The following CEPT1 variants were observed in gnomAD, a reference collection of about 807,000 sequenced individuals.
The protein encoded by CEPT1 is choline/ethanolaminephosphotransferase 1.
Under a neutral mutation model 42.6 loss-of-function variants are expected in CEPT1, and 7 were observed. The ratio of observed to expected loss-of-function variants is 0.16; its 90% CI spans 0.09 to 0.31. CEPT1 has a LOEUF of 0.31. Among genes scored for constraint, CEPT1 ranks in the 10% least tolerant of loss-of-function variants. The pLI, the probability that CEPT1 is intolerant of heterozygous loss-of-function variation, is 1.00. For missense variants in CEPT1, 306 were observed against 502.1 expected (o/e 0.61, Z 3.73); for synonymous variants, 171 against 171.9 (o/e 0.99, Z 0.04).
At chr1:111,164,573 T>A (rs1656034749) in intron 4 of CEPT1, among the ~76,000 whole-genome samples, 1 of 152,072 alleles carries the variant, frequency 6.6e-6, no homozygotes, top group South Asian at 2.1e-4. Flanking sequence ...TCACATTTTC[T>A]CCCTTAAGAC....
chr1:111,139,841 C>T (rs561982441), upstream of CEPT1: 4 of 152,638 alleles, frequency 2.6e-5, no homozygotes, highest in South Asian at 6.2e-4. Flanking sequence ...AACCAGCCCC[C>T]CTCTGGCGCC....
At chr1:111,177,462 G>C (rs918552571) in intron 5 of CEPT1, among the ~76,000 whole-genome samples, 6 of 152,070 alleles carry the variant, frequency 3.9e-5, no homozygotes, top group Non-Finnish European at 7.4e-5. Flanking sequence ...TTCTGATTAG[G>C]GATGCTCAAC....
In CEPT1 at chr1:111,148,002, C is replaced by T. The variant is rs1387345972; in HGVS notation, c.288C>T (p.Asn96=). ...NLITIIGLSI[N]ICTTILLVFY... ...TCACCATCATTGGACTGTCAATAAA[C>T]ATCTGTACAACTATTTTATTAGTCT... The change falls in exon 2 of 9, where the codon AAC becomes AAT. Residue 96 remains asparagine (N), a synonymous_variant. Coordinates refer to ENST00000357172, the MANE Select transcript of CEPT1 (RefSeq NM_006090.5). The T allele has an allele frequency of 2.5e-6, 4 of 1,614,158 alleles. No individual in the cohort carries two copies. The South Asian group carries it at 4.4e-5, about 18-fold the overall frequency.
chr1:111,183,951 A>G (rs1429292426), intron 8 of CEPT1, among the ~76,000 whole-genome samples: 1 of 152,208 alleles, frequency 6.6e-6, no homozygotes, highest in Non-Finnish European at 1.5e-5. Context: ...GGCTGGTTTC[A>G]TGGTACAATG....
intron 2 of CEPT1, among the ~76,000 whole-genome samples, chr1:111,155,423 A>C (rs1655507279): frequency 6.6e-6 from 1 of 151,844 alleles, no homozygotes; most frequent in Non-Finnish European, 1.5e-5. Flanking sequence ...CTTTTCAAAA[A>C]ACCAACTTTT....
At chr1:111,170,743 T>C (rs548170224) in intron 4 of CEPT1, among the ~76,000 whole-genome samples, 1 of 152,272 alleles carries the variant, frequency 6.6e-6, no homozygotes, top group African/African-American at 2.4e-5. Context: ...TTAATAGCTA[T>C]CTAATCCTTG....
chr1:111,163,036 T>A (rs1395644904), intron 4 of CEPT1, among the ~76,000 whole-genome samples: 2 of 151,894 alleles, frequency 1.3e-5, no homozygotes, highest in Non-Finnish European at 2.9e-5. Flanking sequence ...AGGGAATGAT[T>A]TATAGAACAA....
In CEPT1 at chr1:111,159,247, C is replaced by A. The variant is rs111591065; in HGVS notation, c.340-133C>A. ...ACAATTCTAATTGTTTCAGTGAGTT[C>A]TTCATTATGTAGCACTTGGATCTTC... is the stretch of plus-strand genomic sequence containing the variant. On this transcript the variant is annotated intron_variant, in intron 2 of 8. Coordinates refer to ENST00000357172, the MANE Select transcript of CEPT1 (RefSeq NM_006090.5). The A allele has an allele frequency of 2.7e-3, 2,178 of 806,010 alleles. 20 individuals carry two copies. The highest frequency in any genetic ancestry group is 0.02 in the African/African-American group (1,151 of 56,246). The allele number at this position is 806,010 out of a possible 1,614,324, so 49.9% of individuals were successfully genotyped here.
chr1:111,174,849 C>T, intron 4 of CEPT1, 30 bp from the exon 5 acceptor site: 1 of 1,351,972 alleles, frequency 7.4e-7, no homozygotes, highest in Non-Finnish European at 1.1e-6. Flanking sequence ...GTGACTAATT[C>T]TGCTCTTTTG....
intron 4 of CEPT1, among the ~76,000 whole-genome samples, chr1:111,166,397 T>C (rs1482653856): frequency 2.6e-5 from 4 of 152,244 alleles, no homozygotes; most frequent in African/African-American, 7.2e-5. Flanking sequence ...TACTTACTTT[T>C]ATCACTAGTA....
At position 111,182,329 on chromosome 1, in the gene CEPT1, C is replaced by T. The variant is rs1657031803; in HGVS notation, c.846+11C>T. The T allele has an allele frequency of 6.2e-7, 1 of 1,607,296 alleles. No homozygotes were observed. The highest frequency in any genetic ancestry group is 1.7e-5 in the Admixed American group (1 of 58,604). Reference sequence around the variant, plus strand: ...GGATCAACAATAGCAGTAAGTATACCTTAAGATTTTCAACACTTGTTTACA... The same window carrying T: ...GGATCAACAATAGCAGTAAGTATACTTTAAGATTTTCAACACTTGTTTACA... On this transcript the variant is annotated intron_variant, in intron 6 of 8. Coordinates refer to ENST00000357172, the MANE Select transcript of CEPT1 (RefSeq NM_006090.5).
chr1:111,162,009 A>G (rs1239055187), intron 4 of CEPT1, among the ~76,000 whole-genome samples: 1 of 152,184 alleles, frequency 6.6e-6, no homozygotes, highest in Non-Finnish European at 1.5e-5. Context: ...GTGATGAAGT[A>G]TGTATTTAGA....
intron 5 of CEPT1, 141 bp from the exon 6 acceptor site, chr1:111,182,046 G>C (rs1275524475): frequency 2.2e-5 from 12 of 551,218 alleles, no homozygotes; most frequent in Admixed American, 7.8e-5. Flanking sequence ...TAATGAAGAG[G>C]AAAAGGACAC....
intron 2 of CEPT1, among the ~76,000 whole-genome samples, chr1:111,158,903 T>C (rs1223495953): frequency 1.6e-5 from 1 of 61,024 alleles, no homozygotes; most frequent in East Asian, 4.0e-4. Context: ...TTTACAATTC[T>C]TTTTTTTTTT....
intron 4 of CEPT1, among the ~76,000 whole-genome samples, chr1:111,170,944 C>G (rs973795055): frequency 1.3e-5 from 2 of 152,100 alleles, no homozygotes; most frequent in Non-Finnish European, 1.5e-5. Context: ...ATTAAATTTA[C>G]TATTTATAGT....
At chr1:111,159,012 C>T (rs894027126) in intron 2 of CEPT1, among the ~76,000 whole-genome samples, 32 of 134,748 alleles carry the variant, frequency 2.4e-4, no homozygotes, top group Non-Finnish European at 4.3e-4. Context: ...CTCCCGGGTT[C>T]ACGCCATTCT....
Position 111,165,237 on chromosome 1 carries a change from A to G in CEPT1, c.629+3941A>G, listed in dbSNP as rs368889988. On this transcript the variant is annotated intron_variant, in intron 4 of 8. Transcript: ENST00000357172. ...CTAATTTTTTGTATTTTTAGTAGAGACAGGGTTTCACCGTGTTAGCCAGGA... is the reference window on the plus strand; with the variant it reads ...CTAATTTTTTGTATTTTTAGTAGAGGCAGGGTTTCACCGTGTTAGCCAGGA... Among the ~76,000 whole-genome samples the G allele has an allele frequency of 5.9e-4, 89 of 150,398 alleles. No homozygotes were observed. The East Asian group carries it at 0.016, about 26-fold the overall frequency.
chr1:111,176,698 T>C (rs1295569974), intron 5 of CEPT1, among the ~76,000 whole-genome samples: 1 of 152,194 alleles, frequency 6.6e-6, no homozygotes, highest in Admixed American at 6.5e-5. Flanking sequence ...AGTCCAAATA[T>C]GAAATTTATT....
intron 1 of CEPT1, among the ~76,000 whole-genome samples, chr1:111,145,682 C>T (rs1654920767): frequency 1.3e-5 from 2 of 152,194 alleles, no homozygotes; most frequent in South Asian, 4.1e-4. Context: ...TCCCAGAATG[C>T]ACATGTGGCC....
Sources: allele counts gnomAD v4.1 joint callset (sites outside exome capture counted in the v4.1 genomes callset), GRCh38; gene constraint gnomAD v4.1.1; transcripts MANE v1.5; gene names NCBI Gene and HGNC (gene_info 2026-07-23, HGNC 2026-07-21).